The following MOSMO variants were observed in gnomAD, a reference collection of about 807,000 sequenced individuals.
MOSMO encodes modulator of smoothened protein.
A neutral mutation model predicts 18.4 loss-of-function variants in MOSMO; 5 were observed. That is an observed-to-expected ratio of 0.27 (90% CI 0.14 to 0.57). The LOEUF (loss-of-function observed/expected upper bound fraction) is 0.57, where lower values mean the gene tolerates loss of function less well. Among genes scored for constraint, MOSMO ranks in the 20% least tolerant of loss-of-function variants. The probability of loss-of-function intolerance (pLI) is 0.92; values close to 1 mark genes in which losing one functional copy is unlikely to be tolerated. For missense variants in MOSMO, 138 were observed against 211.8 expected (o/e 0.65, Z 2.16); for synonymous variants, 82 against 82.3 (o/e 1.00, Z 0.02).
At position 22,008,256 on chromosome 16, in the gene MOSMO, C is replaced by CGCT. The variant is rs1172676137; in HGVS notation, c.-43_-41dup. The CGCT allele has an allele frequency of 1.5e-6, 2 of 1,304,492 alleles. No individual in the cohort carries two copies. Among genetic ancestry groups the CGCT allele is most frequent in the African/African-American group, 3.5e-5 (2 of 57,198 alleles). The allele number at this position is 1,304,492 out of a possible 1,614,324, so 80.8% of individuals were successfully genotyped here. A position where few individuals can be genotyped will look rare whatever the true frequency, so the allele number is the denominator to read the frequency against. On this transcript the variant is annotated 5_prime_UTR_variant, in exon 1 of 3. Coordinates refer to ENST00000542527, the MANE Select transcript of MOSMO (RefSeq NM_001164579.2). Reference sequence around the variant, plus strand: ...GCCCATGGGGCGGGAGGCGTGAGGCCGCTGCCTGTCCGGGGCTCGGGGGGT... The same window carrying CGCT: ...GCCCATGGGGCGGGAGGCGTGAGGCCGCTGCTGCCTGTCCGGGGCTCGGGGGGT...
chr16:22,091,901 G>C (rs1366223958), downstream of MOSMO, among the ~76,000 whole-genome samples: 1 of 152,144 alleles, frequency 6.6e-6, no homozygotes, highest in Non-Finnish European at 1.5e-5. Flanking sequence ...CCAAGGACTA[G>C]TTACATCATA....
intron 1 of MOSMO, among the ~76,000 whole-genome samples, chr16:22,036,070 A>C (rs1900102404): frequency 6.6e-6 from 1 of 152,188 alleles, no homozygotes; most frequent in Non-Finnish European, 1.5e-5. Flanking sequence ...CCTCCAGTAC[A>C]TGTCGAATAG....
At chr16:22,063,670 A>G (rs1900695128) in intron 1 of MOSMO, among the ~76,000 whole-genome samples, 1 of 152,200 alleles carries the variant, frequency 6.6e-6, no homozygotes, top group Non-Finnish European at 1.5e-5. Flanking sequence ...AATAGTGGCT[A>G]GTGTAGGAAG....
At chr16:22,017,648 T>C (rs895669792) in intron 1 of MOSMO, among the ~76,000 whole-genome samples, 3 of 152,154 alleles carry the variant, frequency 2.0e-5, no homozygotes, top group African/African-American at 7.2e-5. Context: ...ATAAGAGCCA[T>C]GAGGAAACCT....
chr16:22,045,400 T>C (rs1339008682), intron 1 of MOSMO, among the ~76,000 whole-genome samples: 6 of 152,202 alleles, frequency 3.9e-5, no homozygotes, highest in Non-Finnish European at 8.8e-5. Flanking sequence ...CCATAGTCTT[T>C]ATAAATAAAA....
chr16:22,039,819 C>T (rs1900177076), intron 1 of MOSMO, among the ~76,000 whole-genome samples: 1 of 152,200 alleles, frequency 6.6e-6, no homozygotes. Flanking sequence ...GATAGCAGCA[C>T]TCCCTCCTCC....
At chr16:22,047,610 G>A (rs189190403) in intron 1 of MOSMO, among the ~76,000 whole-genome samples, 52 of 152,254 alleles carry the variant, frequency 3.4e-4, no homozygotes, top group Middle Eastern at 6.8e-3. Context: ...ATAAGTAATA[G>A]TGCGGTGAAC....
chr16:22,047,369 G>A (rs978392254), intron 1 of MOSMO, among the ~76,000 whole-genome samples: 3 of 150,662 alleles, frequency 2.0e-5, no homozygotes, highest in African/African-American at 4.9e-5. Flanking sequence ...CTCAGCCTCC[G>A]GAGTAGCTGG....
In MOSMO at chr16:22,024,991, A is replaced by AT. The variant is rs969913631; in HGVS notation, c.106+16595dup. 6.0e-3 allele frequency among the ~76,000 whole-genome samples: 883 copies of AT among 146,040 alleles called. 5 individuals carry two copies. Among genetic ancestry groups the AT allele is most frequent in the Middle Eastern group, 0.028 (8 of 284 alleles). ...ATAGCAAGACTTCATCTCTACAAAC[A>AT]TTTTTTTTTTTAATTGCTAGTCATG... On this transcript the variant is annotated intron_variant, in intron 1 of 2. Coordinates refer to ENST00000542527, the MANE Select transcript of MOSMO (RefSeq NM_001164579.2).
chr16:22,056,365 CTTTTTTTTTT>C (rs35642716), intron 1 of MOSMO, among the ~76,000 whole-genome samples: 7 of 54,634 alleles, frequency 1.3e-4, no homozygotes, highest in Admixed American at 8.8e-4. Context: ...TTCTTTCTTT[CTTTTTTTTTT>C]TTTTTTTTTT....
intron 1 of MOSMO, among the ~76,000 whole-genome samples, chr16:22,028,611 T>C (rs1293228978): frequency 3.3e-5 from 5 of 152,190 alleles, no homozygotes; most frequent in Non-Finnish European, 7.3e-5. Context: ...GATGGGTGTT[T>C]ACTTCTAAAA....
intron 1 of MOSMO, among the ~76,000 whole-genome samples, chr16:22,057,234 G>A (rs1045452061): frequency 6.6e-6 from 1 of 152,170 alleles, no homozygotes; most frequent in Non-Finnish European, 1.5e-5. Context: ...CTGGAGGCTG[G>A]GAAGTCCAAG....
At chr16:22,068,397 A>G (rs1263500070) in intron 1 of MOSMO, among the ~76,000 whole-genome samples, 1 of 152,254 alleles carries the variant, frequency 6.6e-6, no homozygotes, top group Non-Finnish European at 1.5e-5. Flanking sequence ...GGCCTAAAAA[A>G]TAAAATGTAC....
intron 1 of MOSMO, among the ~76,000 whole-genome samples, chr16:22,023,694 A>G (rs745989259): frequency 6.6e-6 from 1 of 151,992 alleles, no homozygotes. Context: ...AAAAAGTTCA[A>G]GGTACAGATA....
chr16:22,032,165 C>G (rs1221096946), intron 1 of MOSMO, among the ~76,000 whole-genome samples: 1 of 148,836 alleles, frequency 6.7e-6, no homozygotes, highest in Non-Finnish European at 1.5e-5. Flanking sequence ...GGATAAAAGT[C>G]TATTCTGATC....
chr16:22,077,863 C>A (rs1051919629), intron 2 of MOSMO, among the ~76,000 whole-genome samples: 2 of 152,040 alleles, frequency 1.3e-5, no homozygotes, highest in Non-Finnish European at 2.9e-5. Flanking sequence ...TTTTTGGTAC[C>A]AGAACGAGTG....
chr16:22,045,880 C>CT (rs34664753), intron 1 of MOSMO, among the ~76,000 whole-genome samples: 12,715 of 145,500 alleles, frequency 0.087, 722 homozygotes, highest in South Asian at 0.25. Flanking sequence ...CACTAGAACT[C>CT]TTTTTTTTTT....
At chr16:22,071,691 C>T (rs970801747) in intron 1 of MOSMO, among the ~76,000 whole-genome samples, 10 of 152,120 alleles carry the variant, frequency 6.6e-5, no homozygotes, top group Non-Finnish European at 1.5e-5. Context: ...GTTTCTAGTT[C>T]CATTTCCTTT....
chr16:22,075,539 C>T lies in MOSMO; in HGVS notation c.159C>T (p.Asp53=). ...AGTGTCAAACAATCCATGGACGAGACCGGACGTGCATCCCTCCCCGGCTTC... is the reference window on the plus strand; with the variant it reads ...AGTGTCAAACAATCCATGGACGAGATCGGACGTGCATCCCTCCCCGGCTTC... ...VRQCQTIHGR[D]RTCIPPRLPP... The change falls in exon 2 of 3, where the codon GAC becomes GAT. Residue 53 remains aspartate, a synonymous_variant. Coordinates refer to ENST00000542527, the MANE Select transcript of MOSMO (RefSeq NM_001164579.2). 6.5e-7 allele frequency: 1 copy of T among 1,537,320 alleles called. No individual in the cohort carries two copies. The highest frequency in any genetic ancestry group is 8.7e-7 in the Non-Finnish European group (1 of 1,146,926).
Sources: allele counts gnomAD v4.1 joint callset (sites outside exome capture counted in the v4.1 genomes callset), GRCh38; gene constraint gnomAD v4.1.1; transcripts MANE v1.5; gene names NCBI Gene and HGNC (gene_info 2026-07-23, HGNC 2026-07-21).